The following C1QB variants were observed in gnomAD, a reference collection of about 807,000 sequenced individuals.
C1QB encodes the protein complement C1q subcomponent subunit B.
A neutral mutation model predicts 4.6 loss-of-function variants in C1QB; 2 were observed. That is an observed-to-expected ratio of 0.43 (90% CI 0.18 to 1.36). The LOEUF (loss-of-function observed/expected upper bound fraction) is 1.36, where lower values mean the gene tolerates loss of function less well. Among genes scored for constraint, C1QB ranks in the 40% most tolerant of loss-of-function variants. The pLI, the probability that C1QB is intolerant of heterozygous loss-of-function variation, is 0.28. For synonymous variants in C1QB, 132 were observed against 137.1 expected, an observed-to-expected ratio of 0.96 and a Z score of 0.26; for missense variants, 292 against 338.0, an observed-to-expected ratio of 0.86 and a Z score of 1.07.
chr1:22,657,027 G>A (rs181659293), intron 1 of C1QB, among the ~76,000 whole-genome samples: 36 of 152,264 alleles, frequency 2.4e-4, no homozygotes, highest in Admixed American at 6.5e-4. Flanking sequence ...GAACCTCCTC[G>A]TGTTCAGCTA....
chr1:22,660,048 G>T (rs538005769), intron 2 of C1QB, among the ~76,000 whole-genome samples: 1 of 152,108 alleles, frequency 6.6e-6, no homozygotes, highest in African/African-American at 2.4e-5. Context: ...GTTGTCATGG[G>T]GTTCAAATGA....
At position 22,660,822 on chromosome 1, in the gene C1QB, G is replaced by A; in HGVS notation, c.192G>A (p.Gly64=). The A allele has an allele frequency of 1.2e-6, 2 of 1,613,964 alleles. No homozygotes were observed. The highest frequency in any genetic ancestry group is 1.7e-6 in the Non-Finnish European group (2 of 1,179,980). ...TCTCTGCTTTTCCAGGGCTTCCAGG[G>A]CTGGCTGGAGACCATGGTGAGTTCG... ...PGIKGEKGLP[G]LAGDHGEFGE... is the part of the protein sequence containing the mutation. Residue 64 remains glycine (G), a synonymous_variant, in exon 3 of 3, where the codon GGG becomes GGA. Coordinates refer to ENST00000509305, the MANE Select transcript of C1QB (RefSeq NM_001378156.1).
chr1:22,655,017 T>C (rs1317449311), intron 1 of C1QB, among the ~76,000 whole-genome samples: 1 of 152,188 alleles, frequency 6.6e-6, no homozygotes, highest in African/African-American at 2.4e-5. Context: ...AGGAGCTGTG[T>C]GACTTTTATC....
Position 22,659,588 on chromosome 1 carries a change from T to G in C1QB, c.126T>G (p.Pro42=), listed in dbSNP as rs780407647. 1.9e-6 allele frequency: 3 copies of G among 1,613,978 alleles called. No individual in the cohort carries two copies. The South Asian group carries it at 3.3e-5, about 18-fold the overall frequency. The change falls in exon 2 of 3, where the codon CCT becomes CCG. Residue 42 remains proline (P), a synonymous_variant. Transcript: ENST00000509305. ...PPAIPGIPGI[P]GTPGPDGQPG... is the part of the protein sequence containing the mutation. ...CCATCCCTGGCATCCCGGGTATCCC[T>G]GGGACACCTGGCCCCGATGGCCAAC...
chr1:22,661,428 C>T lies in C1QB; in HGVS notation c.*42C>T. On this transcript the variant is annotated 3_prime_UTR_variant, in exon 3 of 3. Coordinates refer to ENST00000509305, the MANE Select transcript of C1QB (RefSeq NM_001378156.1). ...CATCCACCCCGGCTCCCCCTGCCAG[C>T]AACGCTCACTCTACCCCCAACACCA... is the stretch of plus-strand genomic sequence containing the variant. 1.9e-6 allele frequency: 3 copies of T among 1,609,274 alleles called. No homozygotes were observed. The highest frequency in any genetic ancestry group is 2.5e-6 in the Non-Finnish European group (3 of 1,176,648).
At chr1:22,655,364 A>G (rs1448749719) in intron 1 of C1QB, among the ~76,000 whole-genome samples, 1 of 152,090 alleles carries the variant, frequency 6.6e-6, no homozygotes, top group Admixed American at 6.5e-5. Flanking sequence ...TCCTTGGTGC[A>G]CAGTGTCTGG....
intron 1 of C1QB, among the ~76,000 whole-genome samples, chr1:22,654,850 A>G (rs529548076): frequency 6.6e-6 from 1 of 152,350 alleles, no homozygotes; most frequent in Admixed American, 6.5e-5. Context: ...AACACTGACC[A>G]TGTGCCTACC....
chr1:22,660,533 A>AC (rs1166661309), intron 2 of C1QB, among the ~76,000 whole-genome samples: 4 of 151,714 alleles, frequency 2.6e-5, no homozygotes, highest in African/African-American at 9.7e-5. Context: ...CTGAAGAAGG[A>AC]CCCCCACACA....
intron 1 of C1QB, among the ~76,000 whole-genome samples, chr1:22,658,932 GAGAT>G (rs1642568838): frequency 1.5e-5 from 1 of 64,744 alleles, no homozygotes; most frequent in Non-Finnish European, 3.1e-5. Context: ...GAGGGGTAGA[GAGAT>G]GGATGGATGG....
intron 2 of C1QB, among the ~76,000 whole-genome samples, chr1:22,660,423 T>C (rs1642603347): frequency 6.6e-6 from 1 of 151,910 alleles, no homozygotes; most frequent in African/African-American, 2.4e-5. Flanking sequence ...GAGTCTAAAG[T>C]CCATTTCCAG....
intron 1 of C1QB, among the ~76,000 whole-genome samples, chr1:22,654,487 A>G (rs1265795539): frequency 6.6e-6 from 1 of 152,068 alleles, no homozygotes; most frequent in African/African-American, 2.4e-5. Flanking sequence ...TTCTCCAACC[A>G]TCTTCCCTTC....
intron 1 of C1QB, 109 bp from the exon 2 acceptor site, chr1:22,659,330 AG>A (rs1044246394): frequency 1.9e-4 from 162 of 846,224 alleles, no homozygotes; most frequent in Non-Finnish European, 2.5e-4. Context: ...GGATGGATGC[AG>A]ATGGAGGAAT....
At position 22,661,144 on chromosome 1, in the gene C1QB, G is replaced by T; in HGVS notation, c.514G>T (p.Ala172Ser). 2 of 1,614,074 alleles carry T rather than the reference G, an allele frequency of 1.2e-6. No individual in the cohort carries two copies. The highest frequency in any genetic ancestry group is 8.5e-7 in the Non-Finnish European group (1 of 1,180,012). ...CGGTCTCTACTACTTCACCTACCAC[G>T]CCAGCTCTCGAGGGAACCTGTGCGT... is the stretch of plus-strand genomic sequence containing the variant. ...VPGLYYFTYH[A>S]SSRGNLCVNL... The change falls in exon 3 of 3, where the codon GCC (alanine) becomes TCC (serine). Residue 172 changes from alanine to serine, a missense_variant. Physicochemically the swap from Ala to Ser is moderately conservative, Grantham distance 99. Coordinates refer to ENST00000509305, the MANE Select transcript of C1QB (RefSeq NM_001378156.1).
At chr1:22,657,966 A>G (rs1264500083) in intron 1 of C1QB, among the ~76,000 whole-genome samples, 1 of 152,168 alleles carries the variant, frequency 6.6e-6, no homozygotes, top group Non-Finnish European at 1.5e-5. Flanking sequence ...ACAGCCTGGT[A>G]TGCTGGCAGG....
intron 1 of C1QB, among the ~76,000 whole-genome samples, chr1:22,656,903 A>G (rs1642538477): frequency 6.6e-6 from 1 of 152,178 alleles, no homozygotes. Flanking sequence ...AAACACGTTT[A>G]CAAGTTTATT....
chr1:22,660,521 A>T (rs2148305764), intron 2 of C1QB, among the ~76,000 whole-genome samples: 1 of 152,004 alleles, frequency 6.6e-6, no homozygotes, highest in African/African-American at 2.4e-5. Flanking sequence ...TCCCTGCTCT[A>T]GCTGAAGAAG....
Position 22,661,228 on chromosome 1 carries a change from TACA to T in C1QB, c.602_604del (p.Asn201del). 6.2e-7 allele frequency: 1 copy of T among 1,613,344 alleles called. No individual in the cohort carries two copies. On this transcript the variant is annotated inframe_deletion, in exon 3 of 3. Coordinates refer to ENST00000509305, the MANE Select transcript of C1QB (RefSeq NM_001378156.1). ...GGTGGTCACCTTCTGTGACTATGCC[TACA>T]ACACCTTCCAGGTCACCACCGGTGG...
At chr1:22,660,727 G>C (rs1393668467) in intron 2 of C1QB, 85 bp from the exon 3 acceptor site, 2 of 1,356,068 alleles carry the variant, frequency 1.5e-6, no homozygotes, top group Non-Finnish European at 2.1e-6. Flanking sequence ...GGCTCAGAGA[G>C]AGGCAGGGCC....
At chr1:22,659,080 CA>C (rs1320412396) in intron 1 of C1QB, among the ~76,000 whole-genome samples, 11 of 56,982 alleles carry the variant, frequency 1.9e-4, no homozygotes, top group South Asian at 6.1e-4. Flanking sequence ...GATGGATGGA[CA>C]GGGGGATGGA....
Sources: gnomAD v4.1 joint callset for allele counts (sites outside exome capture counted in the v4.1 genomes callset) on GRCh38, gnomAD v4.1.1 for gene constraint, MANE v1.5 for transcripts, NCBI Gene and HGNC (gene_info 2026-07-23, HGNC 2026-07-21) for gene names.